Variants in STUM observed in about 807,000 individuals in gnomAD.
STUM encodes stum, mechanosensory transduction mediator homolog, also known as protein stum homolog.
A neutral mutation model predicts 15.3 loss-of-function variants in STUM; 8 were observed. That is an observed-to-expected ratio of 0.52 (90% CI 0.31 to 0.94). The LOEUF (loss-of-function observed/expected upper bound fraction) is 0.94, where lower values mean the gene tolerates loss of function less well. Ranked by LOEUF, STUM falls within the 40% of genes least tolerant of loss-of-function variation. The pLI is 0.05. For synonymous variants in STUM, 78 were observed against 88.7 expected (o/e 0.88, Z 0.68); for missense variants, 142 against 204.9 (o/e 0.69, Z 1.87).
In STUM at chr1:226,608,951, T is replaced by G. The variant is rs1357973172; in HGVS notation, c.*6911T>G. On this transcript the variant is annotated 3_prime_UTR_variant, in exon 4 of 4. Coordinates refer to ENST00000366788, the MANE Select transcript of STUM (RefSeq NM_001003665.4). This position sits in a 1 kb window ranked among gnomAD's most constrained non-coding sequence, Gnocchi z 4.0. The stretch of plus-strand genomic sequence containing the variant: ...AAGCAGGGTTCCAGATTCTCCAGCC[T>G]TCTGCCAGCTTTAAAACCCTTCACT... The G allele has an allele frequency of 6.6e-6, 1 of 152,268 alleles. No individual in the cohort carries two copies. The highest frequency in any genetic ancestry group is 1.5e-5 in the Non-Finnish European group (1 of 68,060). The allele number at this position is 152,268 out of a possible 1,614,324, so 9.4% of individuals were successfully genotyped here.
Position 226,604,426 on chromosome 1 carries a change from C to G in STUM, c.*2386C>G, listed in dbSNP as rs938514934. 4.6e-5 allele frequency: 7 copies of G among 152,262 alleles called. No individual in the cohort carries two copies. Among genetic ancestry groups the G allele is most frequent in the African/African-American group, 1.7e-4 (7 of 41,440 alleles). 9.4% of individuals were successfully genotyped at this position (152,262 alleles called of 1,614,324 possible). ...GGAAAACATCAGCCTCAGGAGGAGG[C>G]CCCTTTCCGGGTAACTGATGTGTGG... On this transcript the variant is annotated 3_prime_UTR_variant, in exon 4 of 4. Coordinates refer to ENST00000366788, the MANE Select transcript of STUM (RefSeq NM_001003665.4). This position sits in a 1 kb window ranked among gnomAD's most constrained non-coding sequence, Gnocchi z 4.7.
At chr1:226,558,407 A>T (rs1404947239) in intron 1 of STUM, among the ~76,000 whole-genome samples, 2 of 152,120 alleles carry the variant, frequency 1.3e-5, no homozygotes, top group Non-Finnish European at 2.9e-5. Context: ...AAGCACTTCC[A>T]CCTTTTTTCA....
At chr1:226,573,895 T>C (rs1571801993) in intron 1 of STUM, among the ~76,000 whole-genome samples, 1 of 151,490 alleles carries the variant, frequency 6.6e-6, no homozygotes, top group Non-Finnish European at 1.5e-5. Context: ...GGTGCAGTGG[T>C]GTGATCTCAG....
Position 226,607,154 on chromosome 1 carries a change from AG to A in STUM, c.*5115del, listed in dbSNP as rs1668375393. ...TGGATCTTTAAAATAATCACAAAAA[AG>A]CTCAGCCTGAGCAGGTGGGTGCAAG... On this transcript the variant is annotated 3_prime_UTR_variant, in exon 4 of 4. Transcript: ENST00000366788. The A allele has an allele frequency of 6.6e-6, 1 of 152,284 alleles. No homozygotes were observed. The highest frequency in any genetic ancestry group is 2.1e-4 in the South Asian group (1 of 4,818). 9.4% of individuals were successfully genotyped at this position (152,284 alleles called of 1,614,324 possible).
intron 1 of STUM, among the ~76,000 whole-genome samples, chr1:226,583,317 A>C (rs772230388): frequency 6.6e-6 from 1 of 152,242 alleles, no homozygotes; most frequent in Non-Finnish European, 1.5e-5. Flanking sequence ...TTAATGTACC[A>C]TTCATTCTAG....
At chr1:226,596,226 A>G (rs1385467757) in intron 1 of STUM, among the ~76,000 whole-genome samples, 3 of 151,880 alleles carry the variant, frequency 2.0e-5, no homozygotes, top group African/African-American at 7.3e-5. Flanking sequence ...GGGCTCTGGG[A>G]CACCTGTCCT....
Position 226,587,517 on chromosome 1 carries a change from G to A in STUM, c.203-9285G>A, listed in dbSNP as rs73098829. ...ACACCCCTTGTCTGCCTGAAGACTCGCACCCCACCGTGTTCCCCTGACCCC... is the reference window on the plus strand; with the variant it reads ...ACACCCCTTGTCTGCCTGAAGACTCACACCCCACCGTGTTCCCCTGACCCC... On this transcript the variant is annotated intron_variant, in intron 1 of 3. Transcript: ENST00000366788. Among the ~76,000 whole-genome samples, 617 of 152,162 alleles carry A rather than the reference G, an allele frequency of 4.1e-3. 5 individuals are homozygous for A. The highest frequency in any genetic ancestry group is 0.014 in the African/African-American group (580 of 41,498).
chr1:226,574,925 G>A (rs1667782718), intron 1 of STUM, among the ~76,000 whole-genome samples: 1 of 152,216 alleles, frequency 6.6e-6, no homozygotes, highest in Non-Finnish European at 1.5e-5. Flanking sequence ...AACTCATGGG[G>A]AACAAGCAAA....
At chr1:226,588,157 G>A (rs1668025984) in intron 1 of STUM, among the ~76,000 whole-genome samples, 1 of 152,154 alleles carries the variant, frequency 6.6e-6, no homozygotes, top group Non-Finnish European at 1.5e-5. Flanking sequence ...AGTCCTCCTT[G>A]CAAATTCCTT....
Position 226,603,198 on chromosome 1 carries a change from T to C in STUM, c.*1158T>C, listed in dbSNP as rs1004042627. On this transcript the variant is annotated 3_prime_UTR_variant, in exon 4 of 4. Coordinates refer to ENST00000366788, the MANE Select transcript of STUM (RefSeq NM_001003665.4). ...TCTGAAAATCCTGCTTGCAAACAGA[T>C]GTGTTAGAGGGTGAAATTGTCGGCA... 1 of 152,152 alleles carries C rather than the reference T, an allele frequency of 6.6e-6. No homozygotes were observed. Among genetic ancestry groups the C allele is most frequent in the Admixed American group, 6.5e-5 (1 of 15,276 alleles). The allele number at this position is 152,152 out of a possible 1,614,324, so 9.4% of individuals were successfully genotyped here. A position where few individuals can be genotyped will look rare whatever the true frequency, so the allele number is the denominator to read the frequency against.
At chr1:226,579,148 C>T (rs781506918) in intron 1 of STUM, among the ~76,000 whole-genome samples, 17 of 152,134 alleles carry the variant, frequency 1.1e-4, no homozygotes, top group Non-Finnish European at 1.3e-4. Context: ...CGGCTATGTG[C>T]GCTAATTCTT....
At chr1:226,557,479 T>A (rs190705078) in intron 1 of STUM, among the ~76,000 whole-genome samples, 5 of 152,328 alleles carry the variant, frequency 3.3e-5, no homozygotes, top group Admixed American at 2.0e-4. Flanking sequence ...ACATTTCAAA[T>A]TTTTTGGGTA....
chr1:226,557,932 A>G (rs1485258397), intron 1 of STUM, among the ~76,000 whole-genome samples: 1 of 152,242 alleles, frequency 6.6e-6, no homozygotes, highest in Non-Finnish European at 1.5e-5. Context: ...ACAAAATTCA[A>G]CATCCTTTCA....
chr1:226,557,478 A>T (rs1435871011), intron 1 of STUM, among the ~76,000 whole-genome samples: 1 of 152,138 alleles, frequency 6.6e-6, no homozygotes, highest in Non-Finnish European at 1.5e-5. Flanking sequence ...CACATTTCAA[A>T]TTTTTTGGGT....
chr1:226,581,088 C>G (rs1667909926), intron 1 of STUM, among the ~76,000 whole-genome samples: 1 of 152,188 alleles, frequency 6.6e-6, no homozygotes, highest in Non-Finnish European at 1.5e-5. Flanking sequence ...AGGAAAAGAG[C>G]AAAGTCTGGG....
At chr1:226,577,513 A>G (rs1667837305) in intron 1 of STUM, among the ~76,000 whole-genome samples, 1 of 151,884 alleles carries the variant, frequency 6.6e-6, no homozygotes, top group Admixed American at 6.6e-5. Context: ...ACACACACAC[A>G]CACACACTCA....
At chr1:226,583,314 A>G (rs1277682109) in intron 1 of STUM, among the ~76,000 whole-genome samples, 3 of 152,222 alleles carry the variant, frequency 2.0e-5, no homozygotes, top group Non-Finnish European at 4.4e-5. Context: ...TGGTTAATGT[A>G]CCATTCATTC....
In STUM at chr1:226,567,799, A is replaced by G. The variant is rs1667647363; in HGVS notation, c.202+18693A>G. On this transcript the variant is annotated intron_variant, in intron 1 of 3. Transcript: ENST00000366788. This position sits in a 1 kb window ranked among gnomAD's most constrained non-coding sequence, Gnocchi z 4.5. ...TTGGCACCAGATGCTGCCTAATTGAACACCTGAACACAGCTGAGGGGCTTG... is the reference window on the plus strand; with the variant it reads ...TTGGCACCAGATGCTGCCTAATTGAGCACCTGAACACAGCTGAGGGGCTTG... 6.6e-6 allele frequency among the ~76,000 whole-genome samples: 1 copy of G among 152,212 alleles called. No individual in the cohort carries two copies. The highest frequency in any genetic ancestry group is 6.5e-5 in the Admixed American group (1 of 15,286).
chr1:226,550,643 T>C (rs1174988522), intron 1 of STUM, among the ~76,000 whole-genome samples: 3 of 152,022 alleles, frequency 2.0e-5, no homozygotes, highest in Admixed American at 6.6e-5. Context: ...CTATGGTCTT[T>C]TGAGGAAACA....
Sources: gnomAD v4.1 joint callset for allele counts (sites outside exome capture counted in the v4.1 genomes callset) on GRCh38, gnomAD v4.1.1 for gene constraint, Gnocchi (gnomAD v3.1) non-coding constraint, MANE v1.5 for transcripts, NCBI Gene and HGNC (gene_info 2026-07-23, HGNC 2026-07-21) for gene names.